COL4A6: variants seen among roughly 807,000 people sequenced by gnomAD.
The protein encoded by COL4A6 is collagen type IV alpha 6 chain.
In COL4A6, 59 loss-of-function variants were observed where a neutral mutation model predicts 126.7. The observed-to-expected ratio is 0.47, with a 90% confidence interval of 0.38 to 0.58. The LOEUF is 0.58. COL4A6 is among the 20% of genes least tolerant of loss of function. The pLI is 0.00. For synonymous variants in COL4A6, 547 were observed against 496.6 expected (o/e 1.10, Z -1.35); for missense variants, 1,285 against 1,337.3 (o/e 0.96, Z 0.61).
intron 2 of COL4A6, among the ~76,000 whole-genome samples, chrX:108,355,777 C>T (rs2039946100): frequency 9.0e-6 from 1 of 111,554 alleles, no homozygotes; most frequent in African/African-American, 3.3e-5. Context: ...ATAACAAATA[C>T]AAAATAGAAG....
intron 3 of COL4A6, among the ~76,000 whole-genome samples, chrX:108,222,564 T>G (rs1481706311): frequency 8.9e-6 from 1 of 111,944 alleles, no homozygotes; most frequent in Non-Finnish European, 1.9e-5. Flanking sequence ...GTGATGATCC[T>G]TTGGAGTATA....
chrX:108,375,317 T>G (rs887064095), intron 2 of COL4A6, among the ~76,000 whole-genome samples: 1 of 112,044 alleles, frequency 8.9e-6, no homozygotes, highest in Non-Finnish European at 1.9e-5. Flanking sequence ...TCAACCTACC[T>G]CATGCAAATT....
intron 23 of COL4A6, 50 bp from the exon 24 acceptor site, chrX:108,181,018 T>A: frequency 2.9e-6 from 3 of 1,042,505 alleles, no homozygotes; most frequent in Non-Finnish European, 4.0e-6. Flanking sequence ...TTAGGGAAGA[T>A]TTCTCCCTAG....
intron 2 of COL4A6, among the ~76,000 whole-genome samples, chrX:108,355,352 A>G (rs988359581): frequency 8.9e-6 from 1 of 112,430 alleles, no homozygotes; most frequent in East Asian, 2.8e-4. Flanking sequence ...TAGTTTCTAC[A>G]CCTAGAAGCA....
intron 2 of COL4A6, among the ~76,000 whole-genome samples, chrX:108,416,475 C>T (rs1382430554): frequency 8.9e-6 from 1 of 112,073 alleles, no homozygotes; most frequent in Non-Finnish European, 1.9e-5. Flanking sequence ...CTATTTTTCA[C>T]TAATGTGGAA....
intron 2 of COL4A6, among the ~76,000 whole-genome samples, chrX:108,419,925 G>T (rs765719828): frequency 8.9e-6 from 1 of 112,230 alleles, no homozygotes; most frequent in Non-Finnish European, 1.9e-5. Flanking sequence ...AATACAGACT[G>T]CAATATGCAC....
rs752295162 is a variant in COL4A6, at chrX:108,214,419, C to T, written c.325-191G>A. On this transcript the variant is annotated intron_variant, in intron 5 of 44. Transcript: ENST00000334504. Reference sequence around the variant, plus strand: ...TGTGTCTAATCATAGCTCAATGTTGCCCCTCCCAAAAGGATGAATGCTTTA... The same window carrying T: ...TGTGTCTAATCATAGCTCAATGTTGTCCCTCCCAAAAGGATGAATGCTTTA... Among the ~76,000 whole-genome samples the T allele has an allele frequency of 8.9e-5, 10 of 112,026 alleles. No individual in the cohort carries two copies. In the South Asian group the frequency reaches 3.4e-3, roughly 38 times the overall value.
At chrX:108,403,779 C>T (rs1019592108) in intron 2 of COL4A6, among the ~76,000 whole-genome samples, 1 of 111,296 alleles carries the variant, frequency 9.0e-6, no homozygotes, top group Non-Finnish European at 1.9e-5. Context: ...TTTGCTGATT[C>T]CTGTTTATGG....
intron 3 of COL4A6, among the ~76,000 whole-genome samples, chrX:108,296,814 T>G (rs748904825): frequency 2.7e-5 from 3 of 112,081 alleles, no homozygotes; most frequent in Non-Finnish European, 5.6e-5. Context: ...GACCAAGCCC[T>G]CTACTCTTGG....
chrX:108,248,280 A>G (rs766352706), intron 3 of COL4A6, among the ~76,000 whole-genome samples: 5 of 111,793 alleles, frequency 4.5e-5, no homozygotes, highest in Non-Finnish European at 7.5e-5. Flanking sequence ...ATATGTGTGT[A>G]TGATCAAAAA....
chrX:108,437,284 C>T (rs1603239247), intron 2 of COL4A6, among the ~76,000 whole-genome samples: 1 of 111,815 alleles, frequency 8.9e-6, no homozygotes, highest in African/African-American at 3.3e-5. Context: ...ACCTGCAGTC[C>T]CTAGTTGATT....
chrX:108,285,887 G>A (rs954305130), intron 3 of COL4A6, among the ~76,000 whole-genome samples: 3 of 111,760 alleles, frequency 2.7e-5, no homozygotes, highest in East Asian at 2.8e-4. Context: ...ATTCTGGGTA[G>A]GAGTGAGGTG....
At chrX:108,250,882 T>A (rs2036835385) in intron 3 of COL4A6, among the ~76,000 whole-genome samples, 1 of 111,833 alleles carries the variant, frequency 8.9e-6, no homozygotes, top group South Asian at 3.8e-4. Flanking sequence ...CCCTGGGGTG[T>A]GATAATCAGC....
intron 3 of COL4A6, chrX:108,268,460 T>TA (rs767026894): frequency 7.7e-4 from 87 of 112,323 alleles, no homozygotes; most frequent in African/African-American, 2.7e-3. Flanking sequence ...AGCTAAGACT[T>TA]AGAGTTTAGA....
rs1175679210 is a variant in COL4A6, at chrX:108,164,468, TG to T, written c.4069+131del. The T allele has an allele frequency of 2.9e-5, 17 of 585,565 alleles. No homozygotes were observed. The African/African-American group carries it at 3.6e-4, about 12-fold the overall frequency. 48.3% of individuals were successfully genotyped at this position (585,565 alleles called of 1,213,427 possible). A position where few individuals can be genotyped will look rare whatever the true frequency, so the allele number is the denominator to read the frequency against. On this transcript the variant is annotated intron_variant, in intron 40 of 44. Transcript: ENST00000334504. ...CCCCAAGGTAGAGAAACTGCCTCTC[TG>T]GGGTACCTTGATCCAGCTGTTTTAG...
chrX:108,362,889 A>T (rs969728292), intron 2 of COL4A6, among the ~76,000 whole-genome samples: 2 of 111,771 alleles, frequency 1.8e-5, no homozygotes, highest in Non-Finnish European at 3.8e-5. Context: ...TCTTCTGGAC[A>T]CAACTCAGTT....
intron 13 of COL4A6, among the ~76,000 whole-genome samples, chrX:108,197,228 A>G (rs1325339815): frequency 8.9e-6 from 1 of 111,821 alleles, no homozygotes; most frequent in African/African-American, 3.3e-5. Context: ...ATGGTCTCCA[A>G]GCCCTCTTGC....
chrX:108,321,742 GCCT>G (rs1362740257), intron 2 of COL4A6, among the ~76,000 whole-genome samples: 2 of 110,568 alleles, frequency 1.8e-5, no homozygotes, highest in East Asian at 5.7e-4. Context: ...CCTGCCAGTG[GCCT>G]CAGGGTCCAG....
At chrX:108,289,018 A>C (rs1421511083) in intron 3 of COL4A6, among the ~76,000 whole-genome samples, 1 of 111,878 alleles carries the variant, frequency 8.9e-6, no homozygotes, top group African/African-American at 3.2e-5. Context: ...AACAAATATC[A>C]GCATCATAAA....
Sources: allele counts gnomAD v4.1 joint callset (sites outside exome capture counted in the v4.1 genomes callset), GRCh38; gene constraint gnomAD v4.1.1; transcripts MANE v1.5; gene names NCBI Gene and HGNC (gene_info 2026-07-23, HGNC 2026-07-21).